TMEM65: variants seen among roughly 807,000 people sequenced by gnomAD.
TMEM65 encodes transmembrane protein 65.
A neutral mutation model predicts 25.4 loss-of-function variants in TMEM65; 22 were observed. That is an observed-to-expected ratio of 0.86 (90% CI 0.62 to 1.23). TMEM65 has a LOEUF of 1.23. TMEM65 is among the 50% of genes most tolerant of loss of function. The pLI, the probability that TMEM65 is intolerant of heterozygous loss-of-function variation, is 0.00. For missense variants in TMEM65, 262 were observed against 308.2 expected (o/e 0.85, Z 1.12); for synonymous variants, 132 against 126.2 (o/e 1.05, Z -0.31).
intron 5 of TMEM65, among the ~76,000 whole-genome samples, chr8:124,321,623 C>T (rs1220163084): frequency 6.6e-6 from 1 of 152,086 alleles, no homozygotes; most frequent in Non-Finnish European, 1.5e-5. Context: ...CTCTAGAAAA[C>T]ATGTCTAGTC....
chr8:124,341,828 T>G (rs1428381026), intron 1 of TMEM65, among the ~76,000 whole-genome samples: 2 of 151,994 alleles, frequency 1.3e-5, no homozygotes, highest in Admixed American at 6.6e-5. Context: ...AATAAAGTTT[T>G]TTTTTTTGAC....
intron 6 of TMEM65, among the ~76,000 whole-genome samples, chr8:124,318,840 T>C (rs1431851806): frequency 6.6e-6 from 1 of 152,140 alleles, no homozygotes. Context: ...ATCATCTACC[T>C]TTTCAGTGAG....
intron 1 of TMEM65, among the ~76,000 whole-genome samples, chr8:124,350,024 T>C (rs1294608287): frequency 6.6e-6 from 1 of 152,130 alleles, no homozygotes; most frequent in Non-Finnish European, 1.5e-5. Context: ...AATGTTTAAC[T>C]TCTACATGCA....
intron 1 of TMEM65, among the ~76,000 whole-genome samples, chr8:124,359,732 A>G (rs1330533107): frequency 2.0e-5 from 3 of 151,858 alleles, no homozygotes; most frequent in Non-Finnish European, 4.4e-5. Context: ...ACAGAGCAAG[A>G]CTCTGTTTCA....
At chr8:124,360,073 C>A (rs1041574244) in intron 1 of TMEM65, among the ~76,000 whole-genome samples, 2 of 152,106 alleles carry the variant, frequency 1.3e-5, no homozygotes, top group African/African-American at 4.8e-5. Context: ...GTCTTCAAGA[C>A]ATACCTTTCT....
Position 124,322,151 on chromosome 8 carries a change from A to T in TMEM65, c.473-4T>A. ...ACAAGATTTCCCAAAGCAGCAGCTAAAAATTTGAAAAATAAATAATTGTTA... is the reference window on the plus strand; with the variant it reads ...ACAAGATTTCCCAAAGCAGCAGCTATAAATTTGAAAAATAAATAATTGTTA... On this transcript the variant is annotated splice_region_variant and splice_polypyrimidine_tract_variant and intron_variant, in intron 4 of 6. Transcript: ENST00000297632. 1 of 1,605,764 alleles carries T rather than the reference A, an allele frequency of 6.2e-7. No homozygotes were observed. Among genetic ancestry groups the T allele is most frequent in the Non-Finnish European group, 8.5e-7 (1 of 1,174,518 alleles).
intron 1 of TMEM65, among the ~76,000 whole-genome samples, chr8:124,369,254 A>G (rs1814979651): frequency 6.6e-6 from 1 of 152,218 alleles, no homozygotes; most frequent in African/African-American, 2.4e-5. Context: ...TTTAACTATG[A>G]TAAGATATCC....
intron 5 of TMEM65, among the ~76,000 whole-genome samples, chr8:124,321,854 T>G (rs1438399432): frequency 6.6e-6 from 1 of 152,178 alleles, no homozygotes; most frequent in East Asian, 1.9e-4. Context: ...TGAAAATTAC[T>G]AAACACAACT....
rs1301224377 is a variant in TMEM65 at position 124,311,277 on chromosome 8, C to T, written c.*2683G>A. ...TTCACTATCTCAGTGACATTGCTGC[C>T]ACCTTGTAACAAATCCGTATTCATT... On this transcript the variant is annotated 3_prime_UTR_variant, in exon 7 of 7. Coordinates refer to ENST00000297632, the MANE Select transcript of TMEM65 (RefSeq NM_194291.3). The T allele has an allele frequency of 6.6e-6, 1 of 152,474 alleles. No individual in the cohort carries two copies. The highest frequency in any genetic ancestry group is 1.5e-5 in the Non-Finnish European group (1 of 68,036). The allele number at this position is 152,474 out of a possible 1,614,324, so 9.4% of individuals were successfully genotyped here.
In TMEM65 at chr8:124,310,302, A is replaced by G. The variant is rs951128988; in HGVS notation, c.*3658T>C. On this transcript the variant is annotated 3_prime_UTR_variant, in exon 7 of 7. Transcript: ENST00000297632. ...CATAGTATGTAATAAAGAACACAAG[A>G]TTTCTTAAATGAATCTTGGATTGTA... 6.6e-6 allele frequency: 1 copy of G among 152,190 alleles called. No individual in the cohort carries two copies. Among genetic ancestry groups the G allele is most frequent in the African/African-American group, 2.4e-5 (1 of 41,444 alleles). The allele number at this position is 152,190 out of a possible 1,614,324, so 9.4% of individuals were successfully genotyped here. A position where few individuals can be genotyped will look rare whatever the true frequency, so the allele number is the denominator to read the frequency against.
At chr8:124,356,344 G>A (rs1180872267) in intron 1 of TMEM65, among the ~76,000 whole-genome samples, 1 of 152,010 alleles carries the variant, frequency 6.6e-6, no homozygotes, top group Non-Finnish European at 1.5e-5. Flanking sequence ...TTATTAATCT[G>A]CCTTCTGTCA....
chr8:124,351,782 T>G (rs1814711820), intron 1 of TMEM65, among the ~76,000 whole-genome samples: 1 of 152,172 alleles, frequency 6.6e-6, no homozygotes, highest in African/African-American at 2.4e-5. Flanking sequence ...CCTAACCTCC[T>G]CTGGATGTAT....
intron 1 of TMEM65, among the ~76,000 whole-genome samples, chr8:124,343,737 A>G (rs1814610646): frequency 6.6e-6 from 1 of 152,152 alleles, no homozygotes; most frequent in Non-Finnish European, 1.5e-5. Flanking sequence ...CTCTGTCACT[A>G]TGAAACCTGT....
intron 6 of TMEM65, among the ~76,000 whole-genome samples, chr8:124,319,455 T>C (rs1195544322): frequency 6.6e-6 from 1 of 152,172 alleles, no homozygotes; most frequent in Non-Finnish European, 1.5e-5. Context: ...TGTTGTCTCC[T>C]GCTGCTGCTT....
At chr8:124,370,557 T>C (rs1418049706) in intron 1 of TMEM65, among the ~76,000 whole-genome samples, 1 of 152,226 alleles carries the variant, frequency 6.6e-6, no homozygotes, top group Non-Finnish European at 1.5e-5. Flanking sequence ...ACGTTACATT[T>C]TCCTGTAAAA....
chr8:124,366,064 T>C (rs1246320832), intron 1 of TMEM65, among the ~76,000 whole-genome samples: 1 of 151,976 alleles, frequency 6.6e-6, no homozygotes, highest in Admixed American at 6.5e-5. Context: ...CTACTAAAAA[T>C]ACAAAAATTA....
Position 124,370,682 on chromosome 8 carries a change from A to G in TMEM65, c.304+1172T>C, listed in dbSNP as rs149103401. On this transcript the variant is annotated intron_variant, in intron 1 of 6. Transcript: ENST00000297632. Reference sequence around the variant, plus strand: ...AGCCACAACTAAAACAAGTTTCTGAAGTAGTACAGATAACGTCCTGCTTAC... The same window carrying G: ...AGCCACAACTAAAACAAGTTTCTGAGGTAGTACAGATAACGTCCTGCTTAC... Among the ~76,000 whole-genome samples, 417 of 152,338 alleles carry G rather than the reference A, an allele frequency of 2.7e-3. 3 individuals are homozygous for G. The highest frequency in any genetic ancestry group is 9.8e-3 in the African/African-American group (406 of 41,570).
Position 124,325,827 on chromosome 8 carries a change from T to C in TMEM65, c.417+1527A>G, listed in dbSNP as rs150644218. Among the ~76,000 whole-genome samples, 375 of 152,158 alleles carry C rather than the reference T, an allele frequency of 2.5e-3. 1 individual carries two copies. Among genetic ancestry groups the C allele is most frequent in the African/African-American group, 7.7e-3 (322 of 41,568 alleles). ...AATCTGGACATAAGGCTAGACTATA[T>C]AGCAAACAAAACCATTCTTGAATAA... is the stretch of plus-strand genomic sequence containing the variant. On this transcript the variant is annotated intron_variant, in intron 3 of 6. Coordinates refer to ENST00000297632, the MANE Select transcript of TMEM65 (RefSeq NM_194291.3).
In TMEM65 at chr8:124,343,779, T is replaced by C. The variant is rs188957383; in HGVS notation, c.305-12987A>G. Among the ~76,000 whole-genome samples, 1,438 of 152,308 alleles carry C rather than the reference T, an allele frequency of 9.4e-3. 31 individuals carry two copies. The highest frequency in any genetic ancestry group is 0.017 in the Middle Eastern group (5 of 294). ...TTTCCTCTTTGGCCTGTGTTCCTTT[T>C]CTGTTTATATATGGCAAGATAATGT... On this transcript the variant is annotated intron_variant, in intron 1 of 6. Coordinates refer to ENST00000297632, the MANE Select transcript of TMEM65 (RefSeq NM_194291.3).
Sources: allele counts gnomAD v4.1 joint callset (sites outside exome capture counted in the v4.1 genomes callset), GRCh38; gene constraint gnomAD v4.1.1; transcripts MANE v1.5; gene names NCBI Gene and HGNC (gene_info 2026-07-23, HGNC 2026-07-21).